Variants in ANXA11 observed in about 807,000 individuals in gnomAD.
ANXA11 encodes 56 kDa autoantigen.
In ANXA11, 57 loss-of-function variants were observed where a neutral mutation model predicts 64.7. The ratio of observed to expected loss-of-function variants is 0.88; its 90% confidence interval spans 0.71 to 1.10. The LOEUF (loss-of-function observed/expected upper bound fraction) is 1.10. ANXA11 is among the 50% of genes least tolerant of loss of function. ANXA11 has a pLI of 0.00. For synonymous variants in ANXA11, 260 were observed against 265.2 expected (o/e 0.98, Z 0.19); for missense variants, 675 against 670.7 (o/e 1.01, Z -0.07).
rs150935845 is a variant in ANXA11, at chr10:80,166,147, T to A, written c.795A>T (p.Thr265=). ...KSELSGNFEK[T]ILALMKTPVL... is the part of the protein sequence containing the mutation. Reference sequence around the variant, plus strand: ...CTGGGGTCTTCATCAGAGCCAAGATTGTCTTCTCAAAGTTTCCTGACAGTT... The same window carrying A: ...CTGGGGTCTTCATCAGAGCCAAGATAGTCTTCTCAAAGTTTCCTGACAGTT... Residue 265 remains threonine (T), a synonymous_variant, in exon 8 of 16, where the codon ACA becomes ACT. Transcript: ENST00000422982. 1 of 1,613,696 alleles carries A rather than the reference T, an allele frequency of 6.2e-7. No individual in the cohort carries two copies. Among genetic ancestry groups the A allele is most frequent in the Non-Finnish European group, 8.5e-7 (1 of 1,179,772 alleles).
At position 80,155,265 on chromosome 10, in the gene ANXA11, C is replaced by G. The variant is rs1363043790; in HGVS notation, c.*588G>C. ...GGAACTGGCTTTGTTCTCGTGGTTT[C>G]TGCAAGGAAGATGGAAGGAATGACT... is the stretch of plus-strand genomic sequence containing the variant. On this transcript the variant is annotated 3_prime_UTR_variant, in exon 16 of 16. Coordinates refer to ENST00000422982, the MANE Select transcript of ANXA11 (RefSeq NM_145868.2). The G allele has an allele frequency of 6.5e-6, 1 of 152,900 alleles. No homozygotes were observed. Among genetic ancestry groups the G allele is most frequent in the African/African-American group, 2.4e-5 (1 of 41,430 alleles). The allele number at this position is 152,900 out of a possible 1,614,324, so 9.5% of individuals were successfully genotyped here.
intron 1 of ANXA11, among the ~76,000 whole-genome samples, chr10:80,198,582 T>C (rs974332330): frequency 2.6e-5 from 4 of 152,246 alleles, no homozygotes; most frequent in African/African-American, 9.6e-5. Context: ...CAAGAATCTA[T>C]GCTTTAACAA....
At chr10:80,174,191 CCACCACACA>C (rs1335279819) in intron 2 of ANXA11, among the ~76,000 whole-genome samples, 3 of 152,126 alleles carry the variant, frequency 2.0e-5, no homozygotes, top group Admixed American at 2.0e-4. Context: ...AAGACATGTG[CCACCACACA>C]CAGCTAATTT....
At chr10:80,194,582 G>A (rs7893241) in intron 1 of ANXA11, among the ~76,000 whole-genome samples, 12,625 of 152,132 alleles carry the variant, frequency 0.083, 679 homozygotes, top group South Asian at 0.2. Flanking sequence ...GCATAGGGGC[G>A]TCTGAGAAAC....
Position 80,178,077 on chromosome 10 carries a change from G to A in ANXA11, c.-57-1922C>T, listed in dbSNP as rs114998501. 9.0e-3 allele frequency among the ~76,000 whole-genome samples: 1,376 copies of A among 152,252 alleles called. 20 individuals carry two copies. Among genetic ancestry groups the A allele is most frequent in the African/African-American group, 0.03 (1,258 of 41,538 alleles). On this transcript the variant is annotated intron_variant, in intron 1 of 15. Transcript: ENST00000422982. ...GCAAGGGGCTGTCCTTGGAGAAGTC[G>A]TTCCTGGCACCCCAGGGCTGCCATA...
chr10:80,193,724 C>T (rs1156405881), intron 1 of ANXA11, among the ~76,000 whole-genome samples: 1 of 147,174 alleles, frequency 6.8e-6, no homozygotes, highest in Non-Finnish European at 1.5e-5. Flanking sequence ...CATGCCTATA[C>T]TCCCACCTAC....
At chr10:80,157,562 T>A (rs533129675) in intron 15 of ANXA11, 79 bp downstream of exon 15, 2 of 1,564,362 alleles carry the variant, frequency 1.3e-6, no homozygotes, top group South Asian at 2.4e-5. Flanking sequence ...GCCAAGCATA[T>A]GGCCACTCCA....
intron 5 of ANXA11, 63 bp from the exon 6 acceptor site, chr10:80,167,376 G>T: frequency 6.9e-7 from 1 of 1,455,622 alleles, no homozygotes. Context: ...ATTCAAGGCT[G>T]CTCCACCCCT....
intron 1 of ANXA11, among the ~76,000 whole-genome samples, chr10:80,190,919 T>C (rs1846747949): frequency 6.6e-6 from 1 of 151,006 alleles, no homozygotes; most frequent in Admixed American, 6.6e-5. Context: ...AGTGAGACCC[T>C]GTCTCTACTA....
intron 1 of ANXA11, among the ~76,000 whole-genome samples, chr10:80,187,180 C>T (rs941229938): frequency 1.3e-5 from 2 of 152,142 alleles, no homozygotes; most frequent in Admixed American, 6.5e-5. Flanking sequence ...CTTCTGTCTC[C>T]CCAAAATTCA....
At chr10:80,186,744 G>A (rs1367393513) in intron 1 of ANXA11, among the ~76,000 whole-genome samples, 1 of 152,202 alleles carries the variant, frequency 6.6e-6, no homozygotes, top group Non-Finnish European at 1.5e-5. Flanking sequence ...TGAGAAGGGG[G>A]ATGGGGGCAA....
intron 1 of ANXA11, among the ~76,000 whole-genome samples, chr10:80,183,758 C>T (rs1055266222): frequency 6.6e-6 from 1 of 152,234 alleles, no homozygotes; most frequent in Non-Finnish European, 1.5e-5. Context: ...GTGCAATAAG[C>T]ATGCTTTAAA....
intron 1 of ANXA11, among the ~76,000 whole-genome samples, chr10:80,197,943 CT>C (rs1840246788): frequency 6.6e-6 from 1 of 152,022 alleles, no homozygotes; most frequent in Non-Finnish European, 1.5e-5. Flanking sequence ...AAAATAACCC[CT>C]ATCCCACTGG....
At chr10:80,186,342 AGT>A (rs1846538117) in intron 1 of ANXA11, among the ~76,000 whole-genome samples, 1 of 152,108 alleles carries the variant, frequency 6.6e-6, no homozygotes, top group Admixed American at 6.6e-5. Flanking sequence ...GGGTCAGGGC[AGT>A]GTGACAGGTG....
chr10:80,158,819 G>A (rs138316138), intron 13 of ANXA11, among the ~76,000 whole-genome samples: 316 of 152,274 alleles, frequency 2.1e-3, no homozygotes, highest in African/African-American at 5.2e-3. Context: ...CTCCGGGAGC[G>A]CAGTTGGATG....
At chr10:80,160,625 C>T (rs1845467004) in intron 12 of ANXA11, among the ~76,000 whole-genome samples, 1 of 148,496 alleles carries the variant, frequency 6.7e-6, no homozygotes, top group Admixed American at 6.6e-5. Context: ...TCCCTAGCTG[C>T]TCCTTCTTAG....
chr10:80,179,022 T>C (rs1846267840), intron 1 of ANXA11, among the ~76,000 whole-genome samples: 1 of 152,238 alleles, frequency 6.6e-6, no homozygotes, highest in Non-Finnish European at 1.5e-5. Context: ...TTTGGATTTG[T>C]GTCCCTGCCC....
intron 1 of ANXA11, among the ~76,000 whole-genome samples, chr10:80,183,291 A>C (rs1420573773): frequency 6.6e-6 from 1 of 152,326 alleles, no homozygotes; most frequent in East Asian, 1.9e-4. Flanking sequence ...TCTCAGCCAG[A>C]AAAGGATCTC....
In ANXA11 at chr10:80,151,363, A is replaced by C. The variant is rs528402964; in HGVS notation, c.*4490T>G. On this transcript the variant is annotated 3_prime_UTR_variant, in exon 16 of 16. Coordinates refer to ENST00000422982, the MANE Select transcript of ANXA11 (RefSeq NM_145868.2). ...CTTTACTGACAGGGGACCCTACATG[A>C]GTCCAGGTTGTGGACTGAGTAATGA... 5.3e-5 allele frequency: 8 copies of C among 152,216 alleles called. No individual in the cohort carries two copies. The highest frequency in any genetic ancestry group is 1.7e-4 in the African/African-American group (7 of 41,440). 9.4% of individuals were successfully genotyped at this position (152,216 alleles called of 1,614,324 possible).
Sources: allele counts gnomAD v4.1 joint callset (sites outside exome capture counted in the v4.1 genomes callset), GRCh38; gene constraint gnomAD v4.1.1; transcripts MANE v1.5; gene names NCBI Gene and HGNC (gene_info 2026-07-23, HGNC 2026-07-21).